PHRF1: variants seen among roughly 807,000 people sequenced by gnomAD.
PHRF1 encodes PHD and RING finger domain-containing protein 1.
Under a neutral mutation model 128.9 loss-of-function variants are expected in PHRF1, and 53 were observed. The observed-to-expected ratio is 0.41, with a 90% CI of 0.33 to 0.52. The LOEUF (loss-of-function observed/expected upper bound fraction) is 0.52, where lower values mean the gene tolerates loss of function less well. PHRF1 is among the 20% of genes least tolerant of loss of function. PHRF1 has a pLI of 0.21. For synonymous variants in PHRF1, 1,178 were observed against 980.6 expected (o/e 1.20, Z -3.76); for missense variants, 2,503 against 2,284.5 (o/e 1.10, Z -1.95).
intron 1 of PHRF1, among the ~76,000 whole-genome samples, chr11:578,834 A>G (rs1458269920): frequency 6.6e-6 from 1 of 151,648 alleles, no homozygotes; most frequent in Non-Finnish European, 1.5e-5. Context: ...TACAAGCATG[A>G]GCCACCACGC....
In PHRF1 at chr11:591,280, G is replaced by A. The variant is rs962727656; in HGVS notation, c.421-104G>A. ...CCAGCAGCTTAGTGGAGGGCCTGGC[G>A]CATGGAGGCATTTAGCAGATACTTG... is the stretch of plus-strand genomic sequence containing the variant. On this transcript the variant is annotated intron_variant, in intron 4 of 17. Transcript: ENST00000264555. 6.2e-5 allele frequency: 63 copies of A among 1,008,946 alleles called. 1 individual carries two copies. In the African/African-American group the frequency reaches 8.3e-4, roughly 13 times the overall value. 62.5% of individuals were successfully genotyped at this position (1,008,946 alleles called of 1,614,324 possible).
intron 9 of PHRF1, among the ~76,000 whole-genome samples, chr11:600,754 C>T (rs1038385376): frequency 7.2e-5 from 11 of 152,030 alleles, no homozygotes. Context: ...ATCACGAGGT[C>T]AGGAGATCGA....
chr11:580,342 G>A (rs561945534), intron 1 of PHRF1, among the ~76,000 whole-genome samples: 270 of 152,342 alleles, frequency 1.8e-3, no homozygotes, highest in Non-Finnish European at 2.6e-3. Context: ...GGCTTTGTAC[G>A]GGATCCTGTG....
chr11:588,839 A>C (rs1854748489), intron 4 of PHRF1, among the ~76,000 whole-genome samples: 1 of 152,158 alleles, frequency 6.6e-6, no homozygotes, highest in African/African-American at 2.4e-5. Flanking sequence ...TTGTCAGTAT[A>C]GAAATCTTAC....
Position 608,698 on chromosome 11 carries a change from C to T in PHRF1, c.3242C>T (p.Pro1081Leu), listed in dbSNP as rs1179517256. The change falls in exon 14 of 18, where the codon CCC becomes CTC. Residue 1081 changes from proline to leucine, a missense_variant. By Grantham distance (98) the Pro-to-Leu change is moderately conservative (BLOSUM62 -3). Coordinates refer to ENST00000264555, the MANE Select transcript of PHRF1 (RefSeq NM_001286581.2). ...AAGAGCAGGGAGCACAGGCGGGGCC[C>T]CTGGGGCCACAGCCGGAGGACGTCC... ...KDKSREHRRG[P>L]WGHSRRTSRS... 5 of 1,610,832 alleles carry T rather than the reference C, an allele frequency of 3.1e-6. No individual in the cohort carries two copies. The highest frequency in any genetic ancestry group is 1.7e-5 in the Admixed American group (1 of 59,800).
At position 595,570 on chromosome 11, in the gene PHRF1, G is replaced by A. The variant is rs139741487; in HGVS notation, c.621-1353G>A. Among the ~76,000 whole-genome samples the A allele has an allele frequency of 2.2e-3, 336 of 152,270 alleles. 3 individuals are homozygous for A. Among genetic ancestry groups the A allele is most frequent in the African/African-American group, 7.1e-3 (297 of 41,552 alleles). ...CCTGCACCGTAGCTGGGCAGGTCTC[G>A]GCAGCCCTCCTTGTCCCCGTGCTCG... On this transcript the variant is annotated intron_variant, in intron 6 of 17. Transcript: ENST00000264555.
rs758798966 is a variant in PHRF1, at chr11:606,507, G to C, written c.1520G>C (p.Gly507Ala). 6.2e-7 allele frequency: 1 copy of C among 1,607,504 alleles called. No individual in the cohort carries two copies. The highest frequency in any genetic ancestry group is 2.2e-5 in the East Asian group (1 of 44,814). ...GAGGAGCCAGTGCCTGACCTGCTGGGCAGCATCCTGTCGGGCCAGAGCCTC... is the reference window on the plus strand; with the variant it reads ...GAGGAGCCAGTGCCTGACCTGCTGGCCAGCATCCTGTCGGGCCAGAGCCTC... ...LEEEPVPDLL[G>A]SILSGQSLLM... The change falls in exon 13 of 18, where the codon GGC (glycine) becomes GCC (alanine). Residue 507 changes from glycine (G) to alanine (A), a missense_variant. Gly to Ala is a moderately conservative substitution (Grantham distance 60). Coordinates refer to ENST00000264555, the MANE Select transcript of PHRF1 (RefSeq NM_001286581.2).
chr11:591,165 C>T (rs1316209238), intron 4 of PHRF1, among the ~76,000 whole-genome samples: 9 of 152,220 alleles, frequency 5.9e-5, no homozygotes, highest in African/African-American at 1.9e-4. Context: ...TGAGATGCTA[C>T]GCGTTCATGG....
Position 608,590 on chromosome 11 carries a change from AGCGGTCCAAGGCCAAGAGCCG to A in PHRF1, c.3142_3162del (p.Lys1048_Ser1054del). Reference sequence around the variant, plus strand: ...GTGGGTGAGGAGCGCCCCAGGAGGCAGCGGTCCAAGGCCAAGAGCCGGCGGTCCTCCAGTGACCGCTCCAGC... The same window carrying A: ...GTGGGTGAGGAGCGCCCCAGGAGGCAGCGGTCCTCCAGTGACCGCTCCAGC... On this transcript the variant is annotated inframe_deletion, in exon 14 of 18. Transcript: ENST00000264555. 8.7e-6 allele frequency: 14 copies of A among 1,612,282 alleles called. No individual in the cohort carries two copies. Among genetic ancestry groups the A allele is most frequent in the Non-Finnish European group, 9.3e-6 (11 of 1,179,794 alleles).
rs1855569640 is a variant in PHRF1 at position 600,512 on chromosome 11, A to ATATATATG, written c.1025-1061_1025-1054dup. 1.5e-4 allele frequency among the ~76,000 whole-genome samples: 22 copies of ATATATATG among 144,536 alleles called. 1 individual carries two copies. The highest frequency in any genetic ancestry group is 5.5e-4 in the African/African-American group (21 of 38,088). 94.8% of individuals were successfully genotyped at this position (144,536 alleles called of 152,430 possible). ...TCCAAAAATATATATATATATATAT[A>ATATATATG]TATATATGGTTTATTTCTCCGTTTA... On this transcript the variant is annotated intron_variant, in intron 9 of 17. Transcript: ENST00000264555.
In PHRF1 at chr11:609,092, G is replaced by C; in HGVS notation, c.3636G>C (p.Gly1212=). The change falls in exon 14 of 18, where the codon GGG becomes GGC. Residue 1212 remains glycine (G), a synonymous_variant. Coordinates refer to ENST00000264555, the MANE Select transcript of PHRF1 (RefSeq NM_001286581.2). ...CGCCCCTTGCACAGGGGGAGCCAGGGCGGGAAGACCTCCCCACCAGGTTGC... is the reference window on the plus strand; with the variant it reads ...CGCCCCTTGCACAGGGGGAGCCAGGCCGGGAAGACCTCCCCACCAGGTTGC... ...SPAPLAQGEP[G]REDLPTRLPA... 1.9e-6 allele frequency: 3 copies of C among 1,604,160 alleles called. No individual in the cohort carries two copies. Among genetic ancestry groups the C allele is most frequent in the Non-Finnish European group, 1.7e-6 (2 of 1,176,138 alleles).
chr11:598,382 G>A lies in PHRF1; in HGVS notation c.904G>A (p.Gly302Arg). The change falls in exon 9 of 18, where the codon GGG becomes AGG. Residue 302 changes from glycine to arginine, a missense_variant. Physicochemically the swap from Gly to Arg is moderately radical, Grantham distance 125. Transcript: ENST00000264555. ...ACCCCTTTGCCTGTAGCACACACCA[G>A]GGCGCCTCGGGTCTTCCCTGCTGGA... ...STARRVQHTP[G>R]RLGSSLLDEA... The A allele has an allele frequency of 6.2e-7, 1 of 1,609,276 alleles. No homozygotes were observed. The highest frequency in any genetic ancestry group is 1.7e-4 in the Middle Eastern group (1 of 6,014).
Position 610,181 on chromosome 11 carries a change from C to CTGTCGG in PHRF1, c.4265-14_4265-9dup. The CTGTCGG allele has an allele frequency of 6.7e-7, 1 of 1,489,182 alleles. No individual in the cohort carries two copies. Among genetic ancestry groups the CTGTCGG allele is most frequent in the Non-Finnish European group, 9.0e-7 (1 of 1,114,518 alleles). 92.2% of individuals were successfully genotyped at this position (1,489,182 alleles called of 1,614,324 possible). On this transcript the variant is annotated splice_polypyrimidine_tract_variant and intron_variant, in intron 14 of 17. Coordinates refer to ENST00000264555, the MANE Select transcript of PHRF1 (RefSeq NM_001286581.2). ...GGGCACAGAGCACCCACCTCCCTGTCTGTCGGGCCCCCAGGGGCACCACTT... is the reference window on the plus strand; with the variant it reads ...GGGCACAGAGCACCCACCTCCCTGTCTGTCGGTGTCGGGCCCCCAGGGGCACCACTT...
rs747723305 is a variant in PHRF1, at chr11:609,564, G to A, written c.4108G>A (p.Asp1370Asn). Residue 1370 changes from aspartate (D) to asparagine (N), a missense_variant, in exon 14 of 18, where the codon GAC (aspartate) becomes AAC (asparagine). Asp to Asn is a conservative substitution (Grantham distance 23). Coordinates refer to ENST00000264555, the MANE Select transcript of PHRF1 (RefSeq NM_001286581.2). ...GGATGTGGCGCCTGCGGGGAAGGAA[G>A]ACAGCCCCTCTGCGAGTGGGAGGGT... ...SPDVAPAGKE[D>N]SPSASGRVQE... 5 of 1,599,924 alleles carry A rather than the reference G, an allele frequency of 3.1e-6. No homozygotes were observed. The highest frequency in any genetic ancestry group is 4.3e-6 in the Non-Finnish European group (5 of 1,175,036).
intron 3 of PHRF1, among the ~76,000 whole-genome samples, chr11:582,685 T>C (rs1263061892): frequency 4.0e-5 from 6 of 150,224 alleles, no homozygotes; most frequent in Admixed American, 2.0e-4. Context: ...CCACCAAGCC[T>C]GGCTAATTTT....
In PHRF1 at chr11:611,799, G is replaced by A. The variant is rs1244988042; in HGVS notation, c.*22G>A. On this transcript the variant is annotated 3_prime_UTR_variant, in exon 18 of 18. Coordinates refer to ENST00000264555, the MANE Select transcript of PHRF1 (RefSeq NM_001286581.2). ...CTGAGGCCAGGCAATCACGGGCTAT[G>A]CCCGGGGAGCTGTCGGGAGTGGCGG... The A allele has an allele frequency of 1.3e-6, 2 of 1,580,558 alleles. No individual in the cohort carries two copies. Among genetic ancestry groups the A allele is most frequent in the East Asian group, 4.6e-5 (2 of 43,192 alleles).
At position 609,009 on chromosome 11, in the gene PHRF1, C is replaced by T. The variant is rs753705522; in HGVS notation, c.3553C>T (p.Pro1185Ser). The change falls in exon 14 of 18, where the codon CCG becomes TCG. Residue 1185 changes from proline to serine, a missense_variant. By Grantham distance (74) the Pro-to-Ser change is moderately conservative (BLOSUM62 -1). Transcript: ENST00000264555. ...HRRPRSREKW[P>S]QTRSHSPERK... Reference sequence around the variant, plus strand: ...GCGGCCTCGGTCCCGTGAGAAGTGGCCGCAGACCCGGTCCCATTCCCCAGA... The same window carrying T: ...GCGGCCTCGGTCCCGTGAGAAGTGGTCGCAGACCCGGTCCCATTCCCCAGA... The T allele has an allele frequency of 1.9e-6, 3 of 1,597,936 alleles. No homozygotes were observed. The East Asian group carries it at 6.8e-5, about 36-fold the overall frequency.
chr11:607,109 G>A lies in PHRF1; in HGVS notation c.1653G>A (p.Gly551=), dbSNP rs1257815569. The A allele has an allele frequency of 3.1e-6, 5 of 1,608,774 alleles. No individual in the cohort carries two copies. In the African/African-American group the frequency reaches 5.4e-5, roughly 17 times the overall value. ...FQRNSGSLSR[G]EEGFKGCLQP... ...GAAACTCAGGCAGTCTGTCCAGAGG[G>A]GAAGAAGGATTCAAGGGCTGCCTGC... The change falls in exon 14 of 18, where the codon GGG becomes GGA. Residue 551 remains glycine (G), a synonymous_variant. Transcript: ENST00000264555.
rs764885272 is a variant in PHRF1, at chr11:608,886, G to A, written c.3430G>A (p.Glu1144Lys). 47 of 1,612,140 alleles carry A rather than the reference G, an allele frequency of 2.9e-5. No individual in the cohort carries two copies. Among genetic ancestry groups the A allele is most frequent in the Non-Finnish European group, 3.7e-5 (44 of 1,179,800 alleles). ...RHKHQRERSH[E>K]RPDRKESVAW... ...CAAGCATCAGCGGGAACGCAGCCAC[G>A]AGCGGCCAGACAGGAAGGAGAGTGT... Residue 1144 changes from glutamate to lysine, a missense_variant, in exon 14 of 18, where the codon GAG (glutamate) becomes AAG (lysine). Transcript: ENST00000264555.
Sources: gnomAD v4.1 joint callset for allele counts (sites outside exome capture counted in the v4.1 genomes callset) on GRCh38, gnomAD v4.1.1 for gene constraint, MANE v1.5 for transcripts, NCBI Gene and HGNC (gene_info 2026-07-23, HGNC 2026-07-21) for gene names.